Variants in SIK3 observed in about 807,000 individuals in gnomAD.
The protein encoded by SIK3 is SIK family kinase 3, also known as serine/threonine-protein kinase SIK3.
A neutral mutation model predicts 144.2 loss-of-function variants in SIK3; 28 were observed. That is an observed-to-expected ratio of 0.19 (90% confidence interval 0.14 to 0.27). SIK3 has a LOEUF of 0.27. Ranked by LOEUF, SIK3 falls within the 10% of genes least tolerant of loss-of-function variation. The pLI is 1.00. For missense variants in SIK3, 1,319 were observed against 1,776.0 expected, an observed-to-expected ratio of 0.74 and a Z score of 4.62; for synonymous variants, 686 against 676.3, an observed-to-expected ratio of 1.01 and a Z score of -0.22.
chr11:116,955,152 C>T (rs1949091686), intron 2 of SIK3, among the ~76,000 whole-genome samples: 1 of 152,110 alleles, frequency 6.6e-6, no homozygotes, highest in Non-Finnish European at 1.5e-5. Flanking sequence ...AATCCCAGCA[C>T]TTTGGGAGGC....
intron 1 of SIK3, among the ~76,000 whole-genome samples, chr11:117,023,172 A>G (rs1951845190): frequency 6.6e-6 from 1 of 152,176 alleles, no homozygotes; most frequent in Non-Finnish European, 1.5e-5. Flanking sequence ...GTTGAGGCCC[A>G]GAAACCGATA....
rs916312155 is a variant in SIK3 at position 116,858,569 on chromosome 11, G to T, written c.2896C>A (p.Gln966Lys). The change falls in exon 21 of 25, where the codon CAA becomes AAA. Residue 966 changes from glutamine to lysine, a missense_variant. Gln to Lys is a moderately conservative substitution (Grantham distance 53). Transcript: ENST00000445177. This position sits in a 1 kb window ranked among gnomAD's most constrained non-coding sequence, Gnocchi z 5.4. ...TCAAGTGGAGGGACTTTCAGGGCTT[G>T]GGTTGGAGAGAACCCCACTCCTGTT... ...PSTGVGFSPT[Q>K]ALKVPPLDQF... The T allele has an allele frequency of 2.5e-6, 4 of 1,613,736 alleles. No individual in the cohort carries two copies. Among genetic ancestry groups the T allele is most frequent in the Non-Finnish European group, 3.4e-6 (4 of 1,179,944 alleles).
intron 4 of SIK3, among the ~76,000 whole-genome samples, chr11:116,910,524 C>T (rs534369166): frequency 5.5e-4 from 84 of 152,178 alleles, no homozygotes; most frequent in Middle Eastern, 3.4e-3. Flanking sequence ...AAACCACAGG[C>T]ACTTTGTATT....
At chr11:117,072,036 A>G (rs1457372604) in intron 1 of SIK3, among the ~76,000 whole-genome samples, 1 of 151,862 alleles carries the variant, frequency 6.6e-6, no homozygotes, top group Non-Finnish European at 1.5e-5. Context: ...AACTCAAATC[A>G]CTGATGGTTT....
At chr11:116,923,044 G>C (rs889515802) in intron 4 of SIK3, among the ~76,000 whole-genome samples, 2 of 151,022 alleles carry the variant, frequency 1.3e-5, no homozygotes, top group Non-Finnish European at 2.9e-5. Context: ...AGCCTCGTGA[G>C]TAGCTGGGAT....
chr11:117,030,237 C>G (rs1395535488), intron 1 of SIK3, among the ~76,000 whole-genome samples: 1 of 152,158 alleles, frequency 6.6e-6, no homozygotes, highest in Non-Finnish European at 1.5e-5. Flanking sequence ...CACGTCGTGA[C>G]ACAGTAATTC....
intron 1 of SIK3, among the ~76,000 whole-genome samples, chr11:117,091,189 GT>G (rs1009535801): frequency 6.4e-5 from 8 of 125,002 alleles, no homozygotes; most frequent in Middle Eastern, 4.1e-3. Flanking sequence ...AAATCCTGAG[GT>G]TTTTTTTTTC....
chr11:116,924,383 A>C (rs1194971466), intron 4 of SIK3, among the ~76,000 whole-genome samples: 1 of 152,186 alleles, frequency 6.6e-6, no homozygotes, highest in African/African-American at 2.4e-5. Flanking sequence ...AGCATTAAGA[A>C]AATTTTTAAT....
chr11:117,040,959 T>C (rs1205177962), intron 1 of SIK3, among the ~76,000 whole-genome samples: 1 of 150,834 alleles, frequency 6.6e-6, no homozygotes, highest in Non-Finnish European at 1.5e-5. Context: ...TTTTTTTTTT[T>C]TTTTTTTTAG....
At chr11:117,084,175 C>A (rs989002507) in intron 1 of SIK3, among the ~76,000 whole-genome samples, 2 of 152,156 alleles carry the variant, frequency 1.3e-5, no homozygotes, top group African/African-American at 4.8e-5. Flanking sequence ...GCAACCAATG[C>A]CCCCAACATG....
chr11:116,871,459 A>C (rs1310128205), intron 13 of SIK3, among the ~76,000 whole-genome samples: 1 of 152,242 alleles, frequency 6.6e-6, no homozygotes, highest in Non-Finnish European at 1.5e-5. Flanking sequence ...GGTCTTGAAT[A>C]ACACACTAAG....
intron 1 of SIK3, among the ~76,000 whole-genome samples, chr11:117,000,691 T>G (rs182499008): frequency 6.6e-5 from 10 of 152,326 alleles, no homozygotes; most frequent in Non-Finnish European, 1.2e-4. Context: ...CTCTAACTTG[T>G]CCAATTTATT....
chr11:116,858,091 G>A lies in SIK3; in HGVS notation c.3374C>T (p.Pro1125Leu). 6.2e-7 allele frequency: 1 copy of A among 1,614,068 alleles called. No homozygotes were observed. The highest frequency in any genetic ancestry group is 2.2e-5 in the East Asian group (1 of 44,884). Residue 1125 changes from proline to leucine, a missense_variant, in exon 21 of 25, where the codon CCC (proline) becomes CTC (leucine). Pro to Leu is a moderately conservative substitution (Grantham distance 98, BLOSUM62 -3). This residue lies in a region of SIK3 where 646 missense variants were observed against 763.7 expected (regional missense o/e 0.85). Coordinates refer to ENST00000445177, the MANE Select transcript of SIK3 (RefSeq NM_001366686.3). This position sits in a 1 kb window ranked among gnomAD's most constrained non-coding sequence, Gnocchi z 5.4. The stretch of plus-strand genomic sequence containing the variant: ...GTGAGCATACCCGTGGGGCGGGGTG[G>A]GTGAGGAAGCCTGTGAGACACATTC... The part of the protein sequence containing the change: ...AQECVSQASS[P>L]TPPHGYAHQP...
At chr11:117,085,270 C>G (rs767114945) in intron 1 of SIK3, among the ~76,000 whole-genome samples, 5 of 152,042 alleles carry the variant, frequency 3.3e-5, no homozygotes, top group Non-Finnish European at 7.4e-5. Flanking sequence ...CCACTTACCA[C>G]CATCCACCGC....
At chr11:116,868,805 C>T (rs953733055) in intron 14 of SIK3, 1 of 152,328 alleles carries the variant, frequency 6.6e-6, no homozygotes, top group Non-Finnish European at 1.5e-5. Context: ...AGTTCCCAAA[C>T]TGATGGCTTT....
intron 4 of SIK3, among the ~76,000 whole-genome samples, chr11:116,906,569 C>T (rs11216182): frequency 1.3e-5 from 2 of 151,974 alleles, no homozygotes; most frequent in Non-Finnish European, 2.9e-5. Flanking sequence ...AGAGAAAGCG[C>T]GGCTAAAGGA....
intron 1 of SIK3, among the ~76,000 whole-genome samples, chr11:116,981,797 G>T (rs1472361822): frequency 1.3e-5 from 2 of 152,162 alleles, no homozygotes; most frequent in African/African-American, 4.8e-5. Flanking sequence ...AGGACTGCTT[G>T]AGCCTAGGAG....
At chr11:116,988,729 G>A (rs1950405388) in intron 1 of SIK3, among the ~76,000 whole-genome samples, 1 of 151,780 alleles carries the variant, frequency 6.6e-6, no homozygotes, top group Non-Finnish European at 1.5e-5. Context: ...TTGGGGTTGA[G>A]CCTTCAGTGA....
intron 3 of SIK3, among the ~76,000 whole-genome samples, chr11:116,928,587 C>G (rs1947414604): frequency 1.3e-5 from 2 of 152,104 alleles, no homozygotes; most frequent in South Asian, 4.1e-4. Flanking sequence ...AGAGGAAGTT[C>G]AGGGTAGCAC....
Sources: allele counts gnomAD v4.1 joint callset (sites outside exome capture counted in the v4.1 genomes callset), GRCh38; gene constraint gnomAD v4.1.1; regional missense constraint gnomAD v4.1.1; non-coding constraint Gnocchi (gnomAD v3.1); transcripts MANE v1.5; gene names NCBI Gene and HGNC (gene_info 2026-07-23, HGNC 2026-07-21).